SPICE1: variants seen among roughly 807,000 people sequenced by gnomAD.
SPICE1 encodes spindle and centriole associated protein 1.
SPICE1 carries 75 observed loss-of-function variants against 102.7 expected under a neutral mutation model. That is an observed-to-expected ratio of 0.73 (90% confidence interval 0.61 to 0.88). SPICE1 has a LOEUF of 0.88. SPICE1 is among the 40% of genes least tolerant of loss of function. SPICE1 has a pLI of 0.00. For missense variants in SPICE1, 979 were observed against 1,020.1 expected (o/e 0.96, Z 0.55); for synonymous variants, 308 against 350.3 (o/e 0.88, Z 1.35).
At chr3:113,453,355 G>A in intron 14 of SPICE1, 111 bp downstream of exon 14, 1 of 1,355,792 alleles carries the variant, frequency 7.4e-7, no homozygotes, top group Non-Finnish European at 1.0e-6. Context: ...AAGCCATCTA[G>A]CCTCAAAGCT....
chr3:113,472,984 C>A (rs897479053), intron 7 of SPICE1, among the ~76,000 whole-genome samples: 2 of 152,162 alleles, frequency 1.3e-5, no homozygotes, highest in Non-Finnish European at 2.9e-5. Context: ...GATCAAACTA[C>A]TCCGAGCTAC....
Position 113,512,020 on chromosome 3 carries a change from G to A in SPICE1, c.-1+2877C>T, listed in dbSNP as rs866419777. Among the ~76,000 whole-genome samples the A allele has an allele frequency of 4.6e-5, 7 of 152,262 alleles. No homozygotes were observed. In the South Asian group the frequency reaches 1.5e-3, roughly 32 times the overall value. On this transcript the variant is annotated intron_variant, in intron 1 of 17. Coordinates refer to ENST00000295872, the MANE Select transcript of SPICE1 (RefSeq NM_144718.4). ...GTTACTCTTAAAAATGGGGGGAAAA[G>A]TATTTCAAGTTACATTTAGAATATT...
rs1004248770 is a variant in SPICE1 at position 113,442,981 on chromosome 3, C to T, written c.*2326G>A. The T allele has an allele frequency of 1.3e-5, 2 of 152,152 alleles. No individual in the cohort carries two copies. The highest frequency in any genetic ancestry group is 4.8e-5 in the African/African-American group (2 of 41,420). The allele number at this position is 152,152 out of a possible 1,614,324, so 9.4% of individuals were successfully genotyped here. A position where few individuals can be genotyped will look rare whatever the true frequency, so the allele number is the denominator to read the frequency against. Reference sequence around the variant, plus strand: ...TTCTTTCAATCTCTAGACATCTTTTCAGGTGAAATACCTCTAAATTTCAAG... The same window carrying T: ...TTCTTTCAATCTCTAGACATCTTTTTAGGTGAAATACCTCTAAATTTCAAG... On this transcript the variant is annotated 3_prime_UTR_variant, in exon 18 of 18. Coordinates refer to ENST00000295872, the MANE Select transcript of SPICE1 (RefSeq NM_144718.4).
chr3:113,514,783 G>A (rs1178295466), intron 1 of SPICE1, 114 bp downstream of exon 1: 1 of 1,286,320 alleles, frequency 7.8e-7, no homozygotes, highest in African/African-American at 1.5e-5. Flanking sequence ...CTACAATCGA[G>A]CACCCCCAAT....
At chr3:113,465,525 G>A in intron 11 of SPICE1, 128 bp downstream of exon 11, 1 of 755,436 alleles carries the variant, frequency 1.3e-6, no homozygotes, top group Non-Finnish European at 2.1e-6. Flanking sequence ...TGCCACTGAT[G>A]ATAAAAATGA....
chr3:113,513,219 C>T (rs888043388), intron 1 of SPICE1, among the ~76,000 whole-genome samples: 1 of 152,048 alleles, frequency 6.6e-6, no homozygotes, highest in African/African-American at 2.4e-5. Flanking sequence ...CCAGCCTGTG[C>T]AACATAGCAA....
intron 2 of SPICE1, 41 bp from the exon 3 acceptor site, chr3:113,503,268 T>C (rs766966232): frequency 6.7e-6 from 9 of 1,351,488 alleles, no homozygotes; most frequent in South Asian, 1.4e-5. Flanking sequence ...AAAAAAAAAG[T>C]TTTCTTATAA....
chr3:113,503,251 TTA>T, intron 2 of SPICE1, 24 bp from the exon 3 acceptor site: 4 of 1,544,480 alleles, frequency 2.6e-6, no homozygotes, highest in Admixed American at 2.2e-5. Context: ...TGGCCTTTCT[TTA>T]AAAAAAAAAA....
In SPICE1 at chr3:113,443,871, CAGTT is replaced by C. The variant is rs1344963028; in HGVS notation, c.*1432_*1435del. 6.6e-6 allele frequency: 1 copy of C among 152,154 alleles called. No homozygotes were observed. Among genetic ancestry groups the C allele is most frequent in the Non-Finnish European group, 1.5e-5 (1 of 68,038 alleles). The allele number at this position is 152,154 out of a possible 1,614,324, so 9.4% of individuals were successfully genotyped here. On this transcript the variant is annotated 3_prime_UTR_variant, in exon 18 of 18. Coordinates refer to ENST00000295872, the MANE Select transcript of SPICE1 (RefSeq NM_144718.4). Reference sequence around the variant, plus strand: ...ACAATATTGCCTAGTATGTAGTTAACAGTTAATTATTAAATTCTGCTAACCAAAA... The same window carrying C: ...ACAATATTGCCTAGTATGTAGTTAACAATTATTAAATTCTGCTAACCAAAA...
chr3:113,475,619 G>A (rs1324408875), intron 7 of SPICE1, among the ~76,000 whole-genome samples: 1 of 152,042 alleles, frequency 6.6e-6, no homozygotes, highest in Admixed American at 6.6e-5. Context: ...GGGATGCAAG[G>A]CTGGTTCAAT....
intron 7 of SPICE1, among the ~76,000 whole-genome samples, chr3:113,471,133 G>A (rs1012660799): frequency 2.6e-5 from 4 of 151,352 alleles, no homozygotes; most frequent in Admixed American, 1.3e-4. Flanking sequence ...AAGGACCATG[G>A]TAGGCTAAAT....
intron 2 of SPICE1, 101 bp from the exon 3 acceptor site, chr3:113,503,328 A>G: frequency 8.6e-7 from 1 of 1,167,990 alleles, no homozygotes; most frequent in East Asian, 2.7e-5. Flanking sequence ...TCAAAATCCT[A>G]GGACCAAAAA....
chr3:113,448,252 C>A, intron 15 of SPICE1, 112 bp from the exon 16 acceptor site: 2 of 885,404 alleles, frequency 2.3e-6, no homozygotes, highest in Non-Finnish European at 3.2e-6. Context: ...TTCTTTCCAT[C>A]TGTTTTAATC....
intron 17 of SPICE1, 50 bp downstream of exon 17, chr3:113,446,539 C>G: frequency 7.3e-7 from 1 of 1,366,620 alleles, no homozygotes; most frequent in Middle Eastern, 1.8e-4. Flanking sequence ...AATCAGCCAC[C>G]TTCTACCCTC....
At chr3:113,472,534 C>G (rs375033053) in intron 7 of SPICE1, among the ~76,000 whole-genome samples, 1 of 152,174 alleles carries the variant, frequency 6.6e-6, no homozygotes, top group Non-Finnish European at 1.5e-5. Context: ...GGAGGCAACC[C>G]CCAGTAGGGG....
intron 7 of SPICE1, among the ~76,000 whole-genome samples, chr3:113,484,480 T>A (rs1450507132): frequency 2.0e-5 from 3 of 152,154 alleles, no homozygotes; most frequent in Non-Finnish European, 4.4e-5. Context: ...TAGGTGTCAA[T>A]TTTAGATCTT....
chr3:113,455,268 C>A (rs1397828563), intron 13 of SPICE1, among the ~76,000 whole-genome samples: 1 of 152,026 alleles, frequency 6.6e-6, no homozygotes, highest in African/African-American at 2.4e-5. Context: ...AAACTGCACA[C>A]CAATACACAC....
intron 7 of SPICE1, among the ~76,000 whole-genome samples, chr3:113,474,942 C>A (rs2107472923): frequency 6.6e-6 from 1 of 152,132 alleles, no homozygotes; most frequent in East Asian, 1.9e-4. Context: ...CAGAGCAGAA[C>A]CGAAGGAAAC....
intron 11 of SPICE1, among the ~76,000 whole-genome samples, chr3:113,465,333 G>C (rs1936027596): frequency 6.6e-6 from 1 of 152,192 alleles, no homozygotes; most frequent in Non-Finnish European, 1.5e-5. Context: ...GAAATTAAAA[G>C]TGGCTGTCAT....
Sources: allele counts gnomAD v4.1 joint callset (sites outside exome capture counted in the v4.1 genomes callset), GRCh38; gene constraint gnomAD v4.1.1; transcripts MANE v1.5; gene names NCBI Gene and HGNC (gene_info 2026-07-23, HGNC 2026-07-21).